FERRY3: variants seen among roughly 807,000 people sequenced by gnomAD.
FERRY3 encodes protein C12orf4.
the FERRY3 span, among the ~76,000 whole-genome samples, chr12:4,537,215 T>C: frequency 3.9e-5 from 6 of 152,240 alleles, no homozygotes; most frequent in Admixed American, 1.3e-4. Context: ...TAGAGCACTC[T>C]TACTGATCTT....
At chr12:4,533,044 C>G in the FERRY3 span, among the ~76,000 whole-genome samples, 5 of 152,198 alleles carry the variant, frequency 3.3e-5, no homozygotes, top group African/African-American at 1.2e-4. Flanking sequence ...ATCCAACAAT[C>G]TTTTTATACC....
At chr12:4,508,271 G>C in the FERRY3 span, among the ~76,000 whole-genome samples, 1 of 152,116 alleles carries the variant, frequency 6.6e-6, no homozygotes, top group African/African-American at 2.4e-5. Context: ...CTGTACAACA[G>C]AAAATATATG....
chr12:4,526,838 T>C, the FERRY3 span, among the ~76,000 whole-genome samples: 3 of 137,248 alleles, frequency 2.2e-5, no homozygotes, highest in South Asian at 6.5e-4. Flanking sequence ...CAAGACTCCA[T>C]CTCAAAAAAA....
At chr12:4,529,214 T>C in the FERRY3 span, among the ~76,000 whole-genome samples, 1 of 152,106 alleles carries the variant, frequency 6.6e-6, no homozygotes, top group African/African-American at 2.4e-5. Context: ...AAAAGATAAA[T>C]AATAAAAGCA....
chr12:4,533,608 T>C, the FERRY3 span, among the ~76,000 whole-genome samples: 7 of 152,242 alleles, frequency 4.6e-5, no homozygotes, highest in Admixed American at 2.6e-4. Flanking sequence ...ATATACCTAA[T>C]GGCATCTTAG....
the FERRY3 span, among the ~76,000 whole-genome samples, chr12:4,521,136 G>A: frequency 1.3e-5 from 2 of 152,078 alleles, no homozygotes; most frequent in African/African-American, 2.4e-5. Context: ...CGAGGTGGGC[G>A]AATCACGAGA....
the FERRY3 span, among the ~76,000 whole-genome samples, chr12:4,493,976 C>G: frequency 6.6e-6 from 1 of 151,912 alleles, no homozygotes; most frequent in Non-Finnish European, 1.5e-5. Context: ...GCCTGTAATC[C>G]CAGCTACTTG....
chr12:4,505,674 T>A, the FERRY3 span, among the ~76,000 whole-genome samples: 1 of 152,200 alleles, frequency 6.6e-6, no homozygotes, highest in African/African-American at 2.4e-5. Flanking sequence ...TGGAGCCAGG[T>A]CTTTAATTCA....
the FERRY3 span, chr12:4,490,516 A>G: frequency 1.3e-6 from 2 of 1,595,706 alleles, no homozygotes; most frequent in Non-Finnish European, 1.7e-6. Context: ...TATTCAGATA[A>G]CATACCTGTG....
chr12:4,502,769 G>A, the FERRY3 span, among the ~76,000 whole-genome samples: 1 of 152,142 alleles, frequency 6.6e-6, no homozygotes, highest in Non-Finnish European at 1.5e-5. This position sits in a 1 kb window ranked among gnomAD's most constrained non-coding sequence, Gnocchi z 4.2. Flanking sequence ...AGATGCCTCT[G>A]ACAGGTCCCA....
At chr12:4,496,399 T>A in the FERRY3 span, among the ~76,000 whole-genome samples, 1 of 152,180 alleles carries the variant, frequency 6.6e-6, no homozygotes, top group Non-Finnish European at 1.5e-5. Context: ...GTGGGCCAGG[T>A]AACAGTACAG....
At chr12:4,501,650 C>T in the FERRY3 span, among the ~76,000 whole-genome samples, 2 of 152,190 alleles carry the variant, frequency 1.3e-5, no homozygotes, top group Non-Finnish European at 2.9e-5. Context: ...CACTGTCTCC[C>T]ATCACCCCTA....
the FERRY3 span, among the ~76,000 whole-genome samples, chr12:4,495,054 G>A: frequency 3.9e-4 from 60 of 152,252 alleles, no homozygotes; most frequent in African/African-American, 1.3e-3. Context: ...GGCATTTCAA[G>A]CTTGTCTTCA....
the FERRY3 span, among the ~76,000 whole-genome samples, chr12:4,501,366 G>T: frequency 6.6e-6 from 1 of 151,796 alleles, no homozygotes; most frequent in Non-Finnish European, 1.5e-5. Context: ...ACTCTTTATC[G>T]TGGTCTAGAA....
the FERRY3 span, among the ~76,000 whole-genome samples, chr12:4,508,284 C>T: frequency 3.3e-5 from 5 of 152,064 alleles, no homozygotes; most frequent in Admixed American, 6.5e-5. Flanking sequence ...AATATATGCA[C>T]CTAAAATACT....
chr12:4,534,228 G>A, the FERRY3 span: 16 of 1,612,720 alleles, frequency 9.9e-6, no homozygotes, highest in African/African-American at 1.3e-5. Flanking sequence ...ACAGCTGCCA[G>A]GGATGCTTCA....
the FERRY3 span, among the ~76,000 whole-genome samples, chr12:4,495,103 G>A: frequency 2.0e-4 from 31 of 152,228 alleles, 1 homozygote; most frequent in Admixed American, 1.8e-3. Flanking sequence ...TATGGTCTGT[G>A]TTTTATAATT....
the FERRY3 span, among the ~76,000 whole-genome samples, chr12:4,499,301 T>C: frequency 1.3e-5 from 2 of 152,128 alleles, no homozygotes; most frequent in Non-Finnish European, 2.9e-5. Context: ...GTGCCAACTC[T>C]GCTTTTTAAA....
the FERRY3 span, among the ~76,000 whole-genome samples, chr12:4,517,751 G>C: frequency 6.8e-6 from 1 of 146,754 alleles, no homozygotes; most frequent in Non-Finnish European, 1.5e-5. Flanking sequence ...AAATGGATGA[G>C]CTAAAAATCA....
Sources: allele counts gnomAD v4.1 joint callset (sites outside exome capture counted in the v4.1 genomes callset), GRCh38; gene constraint gnomAD v4.1.1; non-coding constraint Gnocchi (gnomAD v3.1); transcripts MANE v1.5; gene names NCBI Gene and HGNC (gene_info 2026-07-23, HGNC 2026-07-21).